Variants in DCC observed in about 807,000 individuals in gnomAD.
The protein encoded by DCC is netrin receptor DCC.
Under a neutral mutation model 172.5 loss-of-function variants are expected in DCC, and 58 were observed. That is an observed-to-expected ratio of 0.34 (90% CI 0.27 to 0.42). The LOEUF (loss-of-function observed/expected upper bound fraction) is 0.42. Among genes scored for constraint, DCC ranks in the 10% least tolerant of loss-of-function variants. The pLI is 1.00. For synonymous variants in DCC, 709 were observed against 644.5 expected, an observed-to-expected ratio of 1.10 and a Z score of -1.52; for missense variants, 1,740 against 1,791.0, an observed-to-expected ratio of 0.97 and a Z score of 0.51.
At chr18:53,134,005 C>T (rs1039824394) in intron 7 of DCC, among the ~76,000 whole-genome samples, 4 of 152,128 alleles carry the variant, frequency 2.6e-5, no homozygotes, top group Admixed American at 1.3e-4. Context: ...GGAGTACCAG[C>T]TAGGTTAATG....
At chr18:52,396,982 T>C (rs1310778808) in intron 1 of DCC, among the ~76,000 whole-genome samples, 3 of 152,044 alleles carry the variant, frequency 2.0e-5, no homozygotes, top group African/African-American at 7.2e-5. Flanking sequence ...CTTTCCAGAC[T>C]GAATATATTA....
chr18:53,239,986 TA>T (rs1362203927), intron 12 of DCC, among the ~76,000 whole-genome samples: 1 of 51,078 alleles, frequency 2.0e-5, no homozygotes, highest in Non-Finnish European at 4.1e-5. Context: ...TGAGAAAATA[TA>T]AAAAAACATT....
intron 1 of DCC, among the ~76,000 whole-genome samples, chr18:52,722,939 TG>T (rs144549540): frequency 0.036 from 5,547 of 152,306 alleles, 133 homozygotes; most frequent in Admixed American, 0.049. Flanking sequence ...GAAAATGTTT[TG>T]GTTCCATTTT....
At chr18:52,865,938 T>G (rs1430996382) in intron 2 of DCC, among the ~76,000 whole-genome samples, 1 of 13,160 alleles carries the variant, frequency 7.6e-5, no homozygotes, top group Non-Finnish European at 5.6e-4. Context: ...TTGTTGCCAT[T>G]GCTTTTGGTG....
At chr18:52,786,446 C>T (rs993796541) in intron 2 of DCC, among the ~76,000 whole-genome samples, 3 of 151,742 alleles carry the variant, frequency 2.0e-5, no homozygotes, top group African/African-American at 7.3e-5. Flanking sequence ...TTTATCTCTC[C>T]AGTCCTCATT....
chr18:52,542,748 A>G (rs1261855033), intron 1 of DCC, among the ~76,000 whole-genome samples: 1 of 152,146 alleles, frequency 6.6e-6, no homozygotes, highest in African/African-American at 2.4e-5. Context: ...CTGAGGCAGG[A>G]GAATCACTTG....
At chr18:52,405,860 C>T (rs1486381953) in intron 1 of DCC, among the ~76,000 whole-genome samples, 5 of 151,756 alleles carry the variant, frequency 3.3e-5, no homozygotes, top group East Asian at 3.9e-4. Flanking sequence ...GCCTGCATCG[C>T]GAAGTCAATC....
intron 1 of DCC, among the ~76,000 whole-genome samples, chr18:52,453,532 T>G (rs1289956943): frequency 1.3e-5 from 2 of 152,224 alleles, no homozygotes; most frequent in South Asian, 2.1e-4. Flanking sequence ...ATAGCCTGGC[T>G]TTATTAATTA....
intron 12 of DCC, among the ~76,000 whole-genome samples, chr18:53,237,850 A>G (rs541543415): frequency 3.4e-4 from 52 of 152,302 alleles, no homozygotes; most frequent in Non-Finnish European, 7.1e-4. Flanking sequence ...TAGTTGTGAA[A>G]TTATGTGTTA....
At chr18:53,305,755 G>A (rs765061777) in intron 13 of DCC, 36 bp downstream of exon 13, 1 of 1,604,706 alleles carries the variant, frequency 6.2e-7, no homozygotes, top group South Asian at 1.1e-5. Flanking sequence ...GCAAGGTTTT[G>A]ATGAATTAAA....
intron 1 of DCC, among the ~76,000 whole-genome samples, chr18:52,470,986 T>A (rs1410402928): frequency 1.3e-5 from 2 of 152,138 alleles, no homozygotes; most frequent in Admixed American, 1.3e-4. Context: ...ACTGAGGCAA[T>A]CCTCAGTCTT....
Position 53,322,042 on chromosome 18 carries a change from C to G in DCC, c.2054-5C>G, listed in dbSNP as rs1337436480. 5 of 1,556,078 alleles carry G rather than the reference C, an allele frequency of 3.2e-6. No homozygotes were observed. The highest frequency in any genetic ancestry group is 1.4e-5 in the African/African-American group (1 of 73,978). On this transcript the variant is annotated splice_region_variant and splice_polypyrimidine_tract_variant and intron_variant, in intron 13 of 28. Coordinates refer to ENST00000442544, the MANE Select transcript of DCC (RefSeq NM_005215.4). ...TCTTCCCCCCTGTGGAAAATTCTTT[C>G]ATAGGACTGGAGAAAGGAAGTCAGT...
At chr18:52,450,609 A>C (rs1988272328) in intron 1 of DCC, among the ~76,000 whole-genome samples, 1 of 152,200 alleles carries the variant, frequency 6.6e-6, no homozygotes, top group Non-Finnish European at 1.5e-5. Flanking sequence ...CTTACTCATC[A>C]GTCCAAATTA....
chr18:53,090,698 CA>C (rs59898050), intron 7 of DCC, among the ~76,000 whole-genome samples: 29 of 39,350 alleles, frequency 7.4e-4, no homozygotes, highest in Admixed American at 3.3e-3. Flanking sequence ...CGTCCCCCAA[CA>C]AAAAAAAAAA....
At chr18:52,463,842 C>T (rs906850566) in intron 1 of DCC, among the ~76,000 whole-genome samples, 1 of 152,146 alleles carries the variant, frequency 6.6e-6, no homozygotes, top group African/African-American at 2.4e-5. Context: ...GAGATATATA[C>T]GTTGATCACC....
At chr18:52,665,773 G>T (rs1202600896) in intron 1 of DCC, among the ~76,000 whole-genome samples, 1 of 152,212 alleles carries the variant, frequency 6.6e-6, no homozygotes, top group East Asian at 1.9e-4. Context: ...GCTGTGAACA[G>T]TAATTTTTAT....
At chr18:53,077,660 C>T (rs903806638) in intron 7 of DCC, among the ~76,000 whole-genome samples, 2 of 152,044 alleles carry the variant, frequency 1.3e-5, no homozygotes, top group African/African-American at 4.8e-5. Flanking sequence ...AACTGCTGCA[C>T]AGAAAAGTTA....
intron 1 of DCC, among the ~76,000 whole-genome samples, chr18:52,448,841 T>C (rs920904836): frequency 9.8e-5 from 15 of 152,312 alleles, no homozygotes; most frequent in African/African-American, 2.6e-4. Flanking sequence ...GCTTGCCAAA[T>C]GTATTAAAAT....
chr18:53,308,607 T>C (rs190531178), intron 13 of DCC, among the ~76,000 whole-genome samples: 1 of 152,324 alleles, frequency 6.6e-6, no homozygotes, highest in East Asian at 1.9e-4. Flanking sequence ...CGTTAATTGC[T>C]TAGTCCTTAT....
Sources: gnomAD v4.1 joint callset for allele counts (sites outside exome capture counted in the v4.1 genomes callset) on GRCh38, gnomAD v4.1.1 for gene constraint, MANE v1.5 for transcripts, NCBI Gene and HGNC (gene_info 2026-07-23, HGNC 2026-07-21) for gene names.